The following FAM78B variants were observed in gnomAD, a reference collection of about 807,000 sequenced individuals.
FAM78B encodes protein FAM78B.
Under a neutral mutation model 20.0 loss-of-function variants are expected in FAM78B, and 10 were observed. The ratio of observed to expected loss-of-function variants is 0.50; its 90% CI spans 0.31 to 0.85. The LOEUF (loss-of-function observed/expected upper bound fraction) is 0.85, where lower values mean the gene tolerates loss of function less well. FAM78B is among the 40% of genes least tolerant of loss of function. The pLI, the probability that FAM78B is intolerant of heterozygous loss-of-function variation, is 0.05. For missense variants in FAM78B, 283 were observed against 345.0 expected, an observed-to-expected ratio of 0.82 and a Z score of 1.42; for synonymous variants, 135 against 132.8, an observed-to-expected ratio of 1.02 and a Z score of -0.12.
chr1:166,099,630 A>G (rs1230433853), intron 1 of FAM78B, among the ~76,000 whole-genome samples: 1 of 152,200 alleles, frequency 6.6e-6, no homozygotes, highest in Non-Finnish European at 1.5e-5. Context: ...AGCTATTCTT[A>G]TATCAGACAA....
intron 1 of FAM78B, among the ~76,000 whole-genome samples, chr1:166,156,851 T>A (rs1655916060): frequency 6.6e-6 from 1 of 151,850 alleles, no homozygotes; most frequent in Non-Finnish European, 1.5e-5. Context: ...CCAGCCTGAG[T>A]GATACTGTTA....
chr1:166,137,736 A>C (rs1466378424), intron 1 of FAM78B, among the ~76,000 whole-genome samples: 1 of 152,226 alleles, frequency 6.6e-6, no homozygotes, highest in Non-Finnish European at 1.5e-5. Flanking sequence ...GTTATTAGTA[A>C]ATAGATGTGG....
rs1369443154 is a variant in FAM78B at position 166,083,389 on chromosome 1, C to T, written c.264-12626G>A. On this transcript the variant is annotated intron_variant, in intron 1 of 1. Coordinates refer to ENST00000354422, the MANE Select transcript of FAM78B (RefSeq NM_001017961.5). The stretch of plus-strand genomic sequence containing the variant: ...AGAGTGCGGGGTGGGACTCCCAAGA[C>T]CTGCATGCAAATCTGGATGTTACCA... Among the ~76,000 whole-genome samples the T allele has an allele frequency of 3.3e-5, 5 of 152,180 alleles. No homozygotes were observed. The South Asian group carries it at 1.0e-3, about 32-fold the overall frequency.
At chr1:166,087,725 T>A (rs1269847002) in intron 1 of FAM78B, among the ~76,000 whole-genome samples, 1 of 152,188 alleles carries the variant, frequency 6.6e-6, no homozygotes, top group African/African-American at 2.4e-5. Flanking sequence ...CATGACTGTG[T>A]TGTGTTGTCA....
At chr1:166,140,154 G>C (rs930321148) in intron 1 of FAM78B, among the ~76,000 whole-genome samples, 1 of 152,242 alleles carries the variant, frequency 6.6e-6, no homozygotes, top group Non-Finnish European at 1.5e-5. Flanking sequence ...GGACATTCCA[G>C]GAGCAGTAGC....
chr1:166,135,526 A>G (rs1655036650), intron 1 of FAM78B, among the ~76,000 whole-genome samples: 1 of 152,236 alleles, frequency 6.6e-6, no homozygotes. Flanking sequence ...TTTCACTAGC[A>G]ATAAGTAACA....
intron 1 of FAM78B, among the ~76,000 whole-genome samples, chr1:166,139,271 T>A (rs1655187025): frequency 1.3e-5 from 2 of 152,144 alleles, no homozygotes; most frequent in Admixed American, 1.3e-4. Flanking sequence ...ACATTTCCCA[T>A]CATCTTGATG....
intron 1 of FAM78B, among the ~76,000 whole-genome samples, chr1:166,165,669 C>A (rs1479302943): frequency 6.6e-6 from 1 of 152,124 alleles, no homozygotes; most frequent in Admixed American, 6.5e-5. Flanking sequence ...CTGAAACTCG[C>A]CAGGCACTCG....
intron 1 of FAM78B, among the ~76,000 whole-genome samples, chr1:166,086,127 C>T (rs1450182619): frequency 6.6e-6 from 1 of 150,584 alleles, no homozygotes; most frequent in Non-Finnish European, 1.5e-5. Context: ...AAATGACTCG[C>T]CATTGTCACA....
chr1:166,118,368 C>G (rs1654338481), intron 1 of FAM78B, among the ~76,000 whole-genome samples: 1 of 152,142 alleles, frequency 6.6e-6, no homozygotes, highest in Non-Finnish European at 1.5e-5. Context: ...AAGTCTATAC[C>G]AAGATACCTA....
rs1656421102 is a variant in FAM78B, at chr1:166,166,814, A to C, written c.-566T>G. On this transcript the variant is annotated 5_prime_UTR_variant, in exon 1 of 2. Transcript: ENST00000354422. ...AGCGGGCGGCCCAAGAGGCAGGCGG[A>C]GGCAGCAGCGGCGGCGGCGGCGACC... 1.3e-5 allele frequency: 2 copies of C among 150,554 alleles called. No individual in the cohort carries two copies. Among genetic ancestry groups the C allele is most frequent in the Non-Finnish European group, 2.9e-5 (2 of 67,896 alleles). The allele number at this position is 150,554 out of a possible 1,614,324, so 9.3% of individuals were successfully genotyped here.
chr1:166,163,143 T>C (rs560619488), intron 1 of FAM78B, among the ~76,000 whole-genome samples: 33 of 152,304 alleles, frequency 2.2e-4, no homozygotes, highest in Middle Eastern at 3.4e-3. Flanking sequence ...GACAGGTTGA[T>C]TGAGAGAGTC....
intron 1 of FAM78B, among the ~76,000 whole-genome samples, chr1:166,093,192 C>T (rs559176816): frequency 3.3e-5 from 5 of 152,242 alleles, no homozygotes; most frequent in East Asian, 3.9e-4. Context: ...AAATATATAT[C>T]TCTCCAGCTT....
chr1:166,145,995 T>C (rs561767729), intron 1 of FAM78B, among the ~76,000 whole-genome samples: 1 of 152,320 alleles, frequency 6.6e-6, no homozygotes, highest in South Asian at 2.1e-4. Flanking sequence ...GTTCTTTTCA[T>C]TTGCGAAGGA....
intron 1 of FAM78B, among the ~76,000 whole-genome samples, chr1:166,073,964 C>T (rs537705035): frequency 1.3e-5 from 2 of 152,314 alleles, no homozygotes; most frequent in East Asian, 1.9e-4. Context: ...CCAACTCTTA[C>T]TGCCTTCACT....
intron 1 of FAM78B, among the ~76,000 whole-genome samples, chr1:166,090,722 C>T (rs1056243976): frequency 6.6e-6 from 1 of 152,100 alleles, no homozygotes; most frequent in African/African-American, 2.4e-5. Context: ...AATTCTGGGA[C>T]AGAATTAGAG....
intron 1 of FAM78B, among the ~76,000 whole-genome samples, chr1:166,102,569 T>C (rs1464356363): frequency 6.6e-6 from 1 of 152,036 alleles, no homozygotes; most frequent in East Asian, 1.9e-4. Flanking sequence ...TAGTCTCTGA[T>C]AAAACAGACT....
intron 1 of FAM78B, among the ~76,000 whole-genome samples, chr1:166,110,280 A>G (rs1232606957): frequency 6.6e-6 from 1 of 152,006 alleles, no homozygotes; most frequent in Non-Finnish European, 1.5e-5. Context: ...ATTAAAAAAA[A>G]GAAAGAGAAT....
At chr1:166,074,745 A>C (rs918982741) in intron 1 of FAM78B, among the ~76,000 whole-genome samples, 5 of 152,224 alleles carry the variant, frequency 3.3e-5, no homozygotes, top group Admixed American at 6.5e-5. Flanking sequence ...TTATCCTTAA[A>C]AGGAGGAGGC....
Sources: allele counts gnomAD v4.1 joint callset (sites outside exome capture counted in the v4.1 genomes callset), GRCh38; gene constraint gnomAD v4.1.1; transcripts MANE v1.5; gene names NCBI Gene and HGNC (gene_info 2026-07-23, HGNC 2026-07-21).